Variants in C16orf90 observed in about 807,000 individuals in gnomAD.
The protein encoded by C16orf90 is chromosome 16 open reading frame 90, also known as uncharacterized protein C16orf90.
In C16orf90, 17 loss-of-function variants were observed where a neutral mutation model predicts 17.1. That is an observed-to-expected ratio of 1.00 (90% CI 0.68 to 1.49). The LOEUF is 1.49. Ranked by LOEUF, C16orf90 falls within the 40% of genes most tolerant of loss-of-function variation. The pLI is 0.00. For synonymous variants in C16orf90, 108 were observed against 95.8 expected (o/e 1.13, Z -0.75); for missense variants, 255 against 235.5 (o/e 1.08, Z -0.54).
intron 2 of C16orf90, among the ~76,000 whole-genome samples, 183 bp downstream of exon 2, chr16:3,494,341 T>C (rs1380203206): frequency 3.9e-5 from 6 of 152,164 alleles, no homozygotes; most frequent in African/African-American, 9.7e-5. Context: ...CCCTGGTGGA[T>C]TCTCCAGACC....
upstream of C16orf90, chr16:3,496,558 C>A: frequency 1.8e-6 from 1 of 546,708 alleles, no homozygotes; most frequent in Non-Finnish European, 3.6e-6. Flanking sequence ...GGGTGGGGGC[C>A]AAGATCCTGA....
chr16:3,494,788 AC>A lies in C16orf90; in HGVS notation c.135del (p.Gln45HisfsTer216), dbSNP rs1484000314. 1.8e-5 allele frequency: 29 copies of A among 1,590,382 alleles called. No individual in the cohort carries two copies. Among genetic ancestry groups the A allele is most frequent in the Non-Finnish European group, 2.5e-5 (29 of 1,169,280 alleles). On this transcript the variant is annotated frameshift_variant, in exon 2 of 3. Coordinates refer to ENST00000437192, the MANE Select transcript of C16orf90 (RefSeq NM_001080524.2). LOFTEE classifies it high-confidence loss of function. Reference sequence around the variant, plus strand: ...GGCTTGCTTCCCTGGGCACTGGGGCACTGCGGCTGCGGGGACCCCAGGCCCC... The same window carrying A: ...GGCTTGCTTCCCTGGGCACTGGGGCATGCGGCTGCGGGGACCCCAGGCCCC... ...YEGGLGSPQP[Q>X]CPSAQGSKPK... is the part of the protein sequence containing the mutation.
chr16:3,495,546 G>A, upstream of C16orf90: 1 of 1,510,150 alleles, frequency 6.6e-7, no homozygotes. Context: ...TCACGGGGAA[G>A]ACTCCCAGCC....
upstream of C16orf90, among the ~76,000 whole-genome samples, chr16:3,495,786 G>A (rs544048987): frequency 2.6e-5 from 4 of 152,232 alleles, no homozygotes; most frequent in South Asian, 8.3e-4. Flanking sequence ...TACAGACCTA[G>A]GAAGACCTAG....
In C16orf90 at chr16:3,495,393, T is replaced by G. The variant is rs1262416942; in HGVS notation, c.29A>C (p.Glu10Ala). MEALVCAFSELHIREDAVSQ... is the reference protein window; with the variant it reads MEALVCAFSALHIREDAVSQ... ...CCCGGCACCTTCTCTTATGTGCAGCTCAGAAAATGCACAGACCAAGGCTTC... is the reference window on the plus strand; with the variant it reads ...CCCGGCACCTTCTCTTATGTGCAGCGCAGAAAATGCACAGACCAAGGCTTC... The change falls in exon 1 of 3, where the codon GAG becomes GCG. Residue 10 changes from glutamate to alanine, a missense_variant. Physicochemically the swap from Glu to Ala is moderately radical, Grantham distance 107. Coordinates refer to ENST00000437192, the MANE Select transcript of C16orf90 (RefSeq NM_001080524.2). The G allele has an allele frequency of 1.9e-6, 3 of 1,609,832 alleles. No individual in the cohort carries two copies. In the Admixed American group the frequency reaches 5.0e-5, roughly 27 times the overall value.
chr16:3,495,367 GC>G lies in C16orf90; in HGVS notation c.46+8del. ...TCTCTTCCTGCCACTCCTCCCCACA[GC>G]CCGGCACCTTCTCTTATGTGCAGCT... On this transcript the variant is annotated splice_region_variant and intron_variant, in intron 1 of 2. Coordinates refer to ENST00000437192, the MANE Select transcript of C16orf90 (RefSeq NM_001080524.2). The G allele has an allele frequency of 2.5e-6, 4 of 1,604,636 alleles. No individual in the cohort carries two copies. The South Asian group carries it at 3.4e-5, about 14-fold the overall frequency.
At chr16:3,494,490 C>A (rs1295920997) in intron 2 of C16orf90, 34 bp downstream of exon 2, 1 of 1,578,444 alleles carries the variant, frequency 6.3e-7, no homozygotes, top group Admixed American at 1.7e-5. Flanking sequence ...CTAGGGTCTT[C>A]CCCCGTGCCC....
chr16:3,494,905 G>A (rs1181076071), intron 1 of C16orf90, 28 bp from the exon 2 acceptor site: 5 of 1,455,692 alleles, frequency 3.4e-6, no homozygotes, highest in Non-Finnish European at 4.6e-6. Context: ...GGAGGGTGGT[G>A]GCCAGCCCCC....
At chr16:3,494,969 T>C in intron 1 of C16orf90, 92 bp from the exon 2 acceptor site, 1 of 993,164 alleles carries the variant, frequency 1.0e-6, no homozygotes, top group Non-Finnish European at 1.4e-6. Flanking sequence ...CCAGCTCACA[T>C]GATGGGCTAC....
In C16orf90 at chr16:3,493,933, G is replaced by A; in HGVS notation, c.455C>T (p.Ser152Phe). 1.2e-6 allele frequency: 2 copies of A among 1,610,628 alleles called. No homozygotes were observed. Among genetic ancestry groups the A allele is most frequent in the Non-Finnish European group, 1.7e-6 (2 of 1,178,506 alleles). The change falls in exon 3 of 3, where the codon TCT (serine) becomes TTT (phenylalanine). Residue 152 changes from serine to phenylalanine, a missense_variant. Coordinates refer to ENST00000437192, the MANE Select transcript of C16orf90 (RefSeq NM_001080524.2). ...DKGALPQPSP[S>F]RLRPKRSWGT... is the part of the protein sequence containing the mutation. ...CCAGGACCTCTTGGGCCTGAGCCTA[G>A]AAGGACTAGGCTGGGGGAGGGCACC...
In C16orf90 at chr16:3,493,775, CCTG is replaced by C. The variant is rs1483723155; in HGVS notation, c.*61_*63del. ...GGCCACTGCCGGGGGCCGAGCCCCT[CCTG>C]CTCAGGCTGCCTCCTCGGCCATCCT... On this transcript the variant is annotated 3_prime_UTR_variant, in exon 3 of 3. Coordinates refer to ENST00000437192, the MANE Select transcript of C16orf90 (RefSeq NM_001080524.2). 6 of 1,508,450 alleles carry C rather than the reference CCTG, an allele frequency of 4.0e-6. No homozygotes were observed. The African/African-American group carries it at 8.3e-5, about 21-fold the overall frequency. The allele number at this position is 1,508,450 out of a possible 1,614,324, so 93.4% of individuals were successfully genotyped here.
chr16:3,493,895 C>T lies in C16orf90; in HGVS notation c.493G>A (p.Glu165Lys). Residue 165 changes from glutamate (E) to lysine (K), a missense_variant, in exon 3 of 3, where the codon GAG becomes AAG. Coordinates refer to ENST00000437192, the MANE Select transcript of C16orf90 (RefSeq NM_001080524.2). ...CTCTTGCACAAGGGACACATGGCCTCTTCCCAGGTCCCCCAGGACCTCTTG... is the reference window on the plus strand; with the variant it reads ...CTCTTGCACAAGGGACACATGGCCTTTTCCCAGGTCCCCCAGGACCTCTTG... ...RPKRSWGTWE[E>K]AMCPLCKRTR... 1.9e-6 allele frequency: 3 copies of T among 1,608,464 alleles called. No individual in the cohort carries two copies. Among genetic ancestry groups the T allele is most frequent in the Non-Finnish European group, 2.5e-6 (3 of 1,177,562 alleles).
chr16:3,494,741 G>A lies in C16orf90; in HGVS notation c.183C>T (p.His61=), dbSNP rs2037282087. 6.2e-7 allele frequency: 1 copy of A among 1,605,092 alleles called. No homozygotes were observed. Residue 61 remains histidine (H), a synonymous_variant, in exon 2 of 3, where the codon CAC becomes CAT. Transcript: ENST00000437192. Reference sequence around the variant, plus strand: ...CCAGGTAGAGGCCCAGGCCCCGGAGGTGGCGCAGCCGGAAGTTCTTGGGCT... The same window carrying A: ...CCAGGTAGAGGCCCAGGCCCCGGAGATGGCGCAGCCGGAAGTTCTTGGGCT... ...GSKPKNFRLR[H]LRGLGLYLES...
At chr16:3,494,476 T>A (rs1176071991) in intron 2 of C16orf90, 48 bp downstream of exon 2, 1 of 1,518,546 alleles carries the variant, frequency 6.6e-7, no homozygotes, top group South Asian at 1.2e-5. Flanking sequence ...AGCCCAACCA[T>A]CCCCTAGGGT....
chr16:3,496,532 C>T, upstream of C16orf90: 4 of 564,214 alleles, frequency 7.1e-6, no homozygotes, highest in Non-Finnish European at 1.4e-5. Flanking sequence ...CCAGCCGGCC[C>T]ACAGCGGCAT....
At chr16:3,495,797 G>A (rs1451315061), upstream of C16orf90, among the ~76,000 whole-genome samples, 1 of 152,096 alleles carries the variant, frequency 6.6e-6, no homozygotes, top group Non-Finnish European at 1.5e-5. Context: ...GAAGACCTAG[G>A]TCGGTACTTT....
chr16:3,494,472 A>G (rs1596375571), intron 2 of C16orf90, 52 bp downstream of exon 2: 18 of 1,506,034 alleles, frequency 1.2e-5, no homozygotes, highest in Non-Finnish European at 1.5e-5. Flanking sequence ...CCCCAGCCCA[A>G]CCATCCCCTA....
Position 3,494,732 on chromosome 16 carries a change from G to A in C16orf90, c.192C>T (p.Gly64=), listed in dbSNP as rs1461209494. 51 of 1,605,342 alleles carry A rather than the reference G, an allele frequency of 3.2e-5. No individual in the cohort carries two copies. Among genetic ancestry groups the A allele is most frequent in the Non-Finnish European group, 4.0e-5 (47 of 1,176,784 alleles). The change falls in exon 2 of 3, where the codon GGC becomes GGT. Residue 64 remains glycine (G), a synonymous_variant. Transcript: ENST00000437192. ...PKNFRLRHLR[G]LGLYLESHPP... The stretch of plus-strand genomic sequence containing the variant: ...GGTGGCTCTCCAGGTAGAGGCCCAG[G>A]CCCCGGAGGTGGCGCAGCCGGAAGT...
Position 3,494,881 on chromosome 16 carries a change from C to G in C16orf90, c.47-4G>C, listed in dbSNP as rs764251839. 2.7e-6 allele frequency: 4 copies of G among 1,506,354 alleles called. No homozygotes were observed. The Admixed American group carries it at 9.0e-5, about 34-fold the overall frequency. The allele number at this position is 1,506,354 out of a possible 1,614,324, so 93.3% of individuals were successfully genotyped here. The stretch of plus-strand genomic sequence containing the variant: ...CCTTGGGCCTGGCTCACTGCATCTG[C>G]AGAGGAGACAGCGGGAGGGTGGTGG... On this transcript the variant is annotated splice_polypyrimidine_tract_variant and splice_region_variant and intron_variant, in intron 1 of 2. Coordinates refer to ENST00000437192, the MANE Select transcript of C16orf90 (RefSeq NM_001080524.2).
Sources: gnomAD v4.1 joint callset for allele counts (sites outside exome capture counted in the v4.1 genomes callset) on GRCh38, gnomAD v4.1.1 for gene constraint, MANE v1.5 for transcripts, NCBI Gene and HGNC (gene_info 2026-07-23, HGNC 2026-07-21) for gene names.